The following CSMD1 variants were observed in gnomAD, a reference collection of about 807,000 sequenced individuals.
CSMD1 encodes CUB and Sushi multiple domains 1, also known as CUB and sushi domain-containing protein 1.
CSMD1 carries 213 observed loss-of-function variants against 417.5 expected under a neutral mutation model. The ratio of observed to expected loss-of-function variants is 0.51; its 90% CI spans 0.46 to 0.57. The LOEUF (loss-of-function observed/expected upper bound fraction) is 0.57. Among genes scored for constraint, CSMD1 ranks in the 20% least tolerant of loss-of-function variants. The pLI, the probability that CSMD1 is intolerant of heterozygous loss-of-function variation, is 0.00. For missense variants in CSMD1, 6,923 were observed against 4,529.7 expected, an observed-to-expected ratio of 1.53 and a Z score of -15.17; for synonymous variants, 2,862 against 1,736.8, an observed-to-expected ratio of 1.65 and a Z score of -16.11.
chr8:4,576,012 G>A (rs953730377), intron 2 of CSMD1, among the ~76,000 whole-genome samples: 11 of 152,196 alleles, frequency 7.2e-5, no homozygotes, highest in Non-Finnish European at 1.5e-4. Context: ...GATCTCTTGG[G>A]TGGAAAAATA....
intron 1 of CSMD1, among the ~76,000 whole-genome samples, chr8:4,643,784 G>T (rs906277269): frequency 2.0e-5 from 3 of 152,168 alleles, no homozygotes; most frequent in Non-Finnish European, 4.4e-5. Flanking sequence ...GCATTATGGG[G>T]AAAATAATTA....
At chr8:4,017,105 C>G (rs117281479) in intron 4 of CSMD1, among the ~76,000 whole-genome samples, 1,638 of 152,284 alleles carry the variant, frequency 0.011, 25 homozygotes, top group East Asian at 0.054. Flanking sequence ...CGGTGTTCAG[C>G]CAGCCTTGCT....
intron 1 of CSMD1, among the ~76,000 whole-genome samples, chr8:4,683,348 T>G (rs747365229): frequency 9.9e-5 from 15 of 152,134 alleles, no homozygotes; most frequent in Admixed American, 2.0e-4. Flanking sequence ...ACAGGCCCAT[T>G]TGGAGTGGTT....
intron 50 of CSMD1, among the ~76,000 whole-genome samples, chr8:3,046,223 G>C (rs1217193608): frequency 6.6e-6 from 1 of 152,212 alleles, no homozygotes; most frequent in African/African-American, 2.4e-5. Context: ...GGCAGCGGGG[G>C]TTTCAGGCGC....
intron 6 of CSMD1, among the ~76,000 whole-genome samples, chr8:3,724,464 A>G (rs1374183820): frequency 2.0e-5 from 3 of 152,154 alleles, no homozygotes; most frequent in East Asian, 3.9e-4. Flanking sequence ...AATTCTGAAT[A>G]TATTAAGTAT....
intron 62 of CSMD1, among the ~76,000 whole-genome samples, chr8:2,959,933 T>C (rs1456444778): frequency 1.3e-5 from 2 of 152,186 alleles, no homozygotes; most frequent in Admixed American, 1.3e-4. Context: ...AAATCAATTA[T>C]TCGTGTTAGT....
chr8:4,619,753 A>C (rs747705808), intron 2 of CSMD1, among the ~76,000 whole-genome samples: 2 of 152,148 alleles, frequency 1.3e-5, no homozygotes, highest in African/African-American at 4.8e-5. Context: ...AAGAGGAAGA[A>C]CTTGGAAAAC....
chr8:3,785,078 A>C (rs1300157896), intron 5 of CSMD1, among the ~76,000 whole-genome samples: 2 of 152,176 alleles, frequency 1.3e-5, no homozygotes, highest in Non-Finnish European at 2.9e-5. Flanking sequence ...AGCATAGTGG[A>C]CTTTGGGTCA....
intron 3 of CSMD1, among the ~76,000 whole-genome samples, chr8:4,407,470 A>G (rs1459562045): frequency 2.6e-5 from 4 of 152,228 alleles, no homozygotes; most frequent in Non-Finnish European, 5.9e-5. Context: ...TGTAAAACGT[A>G]ATTTTGTATA....
intron 5 of CSMD1, among the ~76,000 whole-genome samples, chr8:3,776,963 C>G (rs1422706866): frequency 1.3e-5 from 2 of 151,912 alleles, no homozygotes; most frequent in Admixed American, 1.3e-4. Flanking sequence ...ATTCTCCTAC[C>G]TGGGCCTCCC....
chr8:4,630,226 C>A (rs1274063274), intron 2 of CSMD1, among the ~76,000 whole-genome samples: 1 of 151,736 alleles, frequency 6.6e-6, no homozygotes, highest in African/African-American at 2.4e-5. Flanking sequence ...AATTACTAGT[C>A]ATTTTATCCT....
At chr8:3,100,744 G>A (rs1256689532) in intron 46 of CSMD1, among the ~76,000 whole-genome samples, 1 of 152,158 alleles carries the variant, frequency 6.6e-6, no homozygotes, top group African/African-American at 2.4e-5. Context: ...GCATCTCATA[G>A]GCCTTCAGCA....
chr8:3,613,446 T>C (rs183714800), intron 8 of CSMD1, among the ~76,000 whole-genome samples: 188 of 152,146 alleles, frequency 1.2e-3, no homozygotes, highest in Non-Finnish European at 2.3e-3. Context: ...CAACAAAGTC[T>C]TTATAAGAAA....
At chr8:4,981,858 A>G (rs1439580943) in intron 1 of CSMD1, among the ~76,000 whole-genome samples, 3 of 152,138 alleles carry the variant, frequency 2.0e-5, no homozygotes, top group African/African-American at 7.2e-5. Context: ...ATGGAATTGT[A>G]GCACTCAACT....
intron 10 of CSMD1, among the ~76,000 whole-genome samples, 177 bp from the exon 11 acceptor site, chr8:3,493,903 A>T: frequency 6.6e-6 from 1 of 152,222 alleles, no homozygotes; most frequent in East Asian, 1.9e-4. Flanking sequence ...ATAGCCTGGC[A>T]TTATAGAATT....
At chr8:4,712,098 C>T (rs1033322470) in intron 1 of CSMD1, among the ~76,000 whole-genome samples, 1 of 152,090 alleles carries the variant, frequency 6.6e-6, no homozygotes, top group African/African-American at 2.4e-5. Context: ...TAGGCAATGC[C>T]CCTGGAAGTC....
rs575403956 is a variant in CSMD1 at position 4,855,077 on chromosome 8, A to G, written c.85+139255T>C. Among the ~76,000 whole-genome samples, 93 of 152,196 alleles carry G rather than the reference A, an allele frequency of 6.1e-4. 1 individual carries two copies. Among genetic ancestry groups the G allele is most frequent in the South Asian group, 2.7e-3 (13 of 4,808 alleles). On this transcript the variant is annotated intron_variant, in intron 1 of 69. Coordinates refer to ENST00000635120, the MANE Select transcript of CSMD1 (RefSeq NM_033225.6). Reference sequence around the variant, plus strand: ...AGCAGCTGGAGATCTGAGAACGGGCAGACTGCCTCCTCAAGTGGGTCCCTG... The same window carrying G: ...AGCAGCTGGAGATCTGAGAACGGGCGGACTGCCTCCTCAAGTGGGTCCCTG...
At chr8:4,363,709 T>C (rs1801908430) in intron 3 of CSMD1, among the ~76,000 whole-genome samples, 1 of 152,206 alleles carries the variant, frequency 6.6e-6, no homozygotes, top group African/African-American at 2.4e-5. Flanking sequence ...CTTAACAAAG[T>C]GACTTCTAGT....
At chr8:4,048,665 A>C (rs1335573906) in intron 3 of CSMD1, among the ~76,000 whole-genome samples, 2 of 152,204 alleles carry the variant, frequency 1.3e-5, no homozygotes, top group African/African-American at 4.8e-5. Context: ...CCAACCACAG[A>C]GGAAAGTGTG....
Sources: allele counts gnomAD v4.1 joint callset (sites outside exome capture counted in the v4.1 genomes callset), GRCh38; gene constraint gnomAD v4.1.1; transcripts MANE v1.5; gene names NCBI Gene and HGNC (gene_info 2026-07-23, HGNC 2026-07-21).